The following CTNNA2 variants were observed in gnomAD, a reference collection of about 807,000 sequenced individuals.
CTNNA2 encodes the protein catenin alpha 2.
CTNNA2 carries 42 observed loss-of-function variants against 101.0 expected under a neutral mutation model. That is an observed-to-expected ratio of 0.42 (90% confidence interval 0.32 to 0.54). The LOEUF (loss-of-function observed/expected upper bound fraction) is 0.54, where lower values mean the gene tolerates loss of function less well. Among genes scored for constraint, CTNNA2 ranks in the 20% least tolerant of loss-of-function variants. The pLI is 0.14. For synonymous variants in CTNNA2, 450 were observed against 456.4 expected, an observed-to-expected ratio of 0.99 and a Z score of 0.18; for missense variants, 871 against 1,223.1, an observed-to-expected ratio of 0.71 and a Z score of 4.29.
chr2:79,650,320 A>T (rs1350263694), intron 1 of CTNNA2, among the ~76,000 whole-genome samples: 1 of 152,134 alleles, frequency 6.6e-6, no homozygotes, highest in African/African-American at 2.4e-5. Flanking sequence ...TGGGACAAGA[A>T]TGTAAATGTA....
chr2:79,301,973 A>G (rs1676121937), intron 2 of CTNNA2, among the ~76,000 whole-genome samples: 1 of 151,964 alleles, frequency 6.6e-6, no homozygotes, highest in Non-Finnish European at 1.5e-5. Flanking sequence ...GGCTCCTGTA[A>G]TCCCAGCTAC....
At chr2:80,261,191 T>C (rs1227007812) in intron 7 of CTNNA2, among the ~76,000 whole-genome samples, 4 of 152,352 alleles carry the variant, frequency 2.6e-5, no homozygotes, top group South Asian at 4.1e-4. Flanking sequence ...CATATACCTA[T>C]TGAGTTAGTA....
chr2:79,520,280 A>T (rs1012110385), intron 1 of CTNNA2, among the ~76,000 whole-genome samples: 1 of 152,170 alleles, frequency 6.6e-6, no homozygotes, highest in African/African-American at 2.4e-5. Context: ...GTCACTATAG[A>T]TTCTTTTTTC....
intron 7 of CTNNA2, among the ~76,000 whole-genome samples, chr2:80,382,665 CTG>C (rs1676627091): frequency 6.6e-6 from 1 of 152,220 alleles, no homozygotes; most frequent in African/African-American, 2.4e-5. Context: ...GAGGTCAAGA[CTG>C]TGGATCCCCA....
At chr2:79,202,536 A>G (rs1209259992) in intron 2 of CTNNA2, among the ~76,000 whole-genome samples, 1 of 152,084 alleles carries the variant, frequency 6.6e-6, no homozygotes, top group Non-Finnish European at 1.5e-5. Context: ...TGAATGCACC[A>G]TATCAGAAAC....
At chr2:79,609,274 A>C (rs1488050696) in intron 1 of CTNNA2, among the ~76,000 whole-genome samples, 1 of 152,008 alleles carries the variant, frequency 6.6e-6, no homozygotes, top group Non-Finnish European at 1.5e-5. Flanking sequence ...AGGCTGTCAG[A>C]TAACATATAC....
chr2:79,306,465 A>C (rs573355625), intron 2 of CTNNA2, among the ~76,000 whole-genome samples: 1 of 152,336 alleles, frequency 6.6e-6, no homozygotes, highest in South Asian at 2.1e-4. Context: ...AAATACACAT[A>C]ATTTTTGTTA....
At chr2:80,281,723 GTTAA>G (rs542045308) in intron 7 of CTNNA2, among the ~76,000 whole-genome samples, 153 of 152,034 alleles carry the variant, frequency 1.0e-3, no homozygotes, top group African/African-American at 3.4e-3. Flanking sequence ...CAGTTGTATA[GTTAA>G]TTATAGTTTA....
chr2:79,493,056 T>C (rs1671219985), intron 4 of CTNNA2, among the ~76,000 whole-genome samples: 1 of 150,892 alleles, frequency 6.6e-6, no homozygotes, highest in Non-Finnish European at 1.5e-5. Context: ...GGAAAAACTT[T>C]TTAAACTTCA....
At chr2:79,202,704 G>A (rs992540304) in intron 2 of CTNNA2, among the ~76,000 whole-genome samples, 3 of 151,480 alleles carry the variant, frequency 2.0e-5, no homozygotes, top group Non-Finnish European at 4.4e-5. Flanking sequence ...TACATTTTGG[G>A]GGTGGAAGGG....
Position 80,067,568 on chromosome 2 carries a change from T to C in CTNNA2, c.1056+157771T>C, listed in dbSNP as rs114852568. On this transcript the variant is annotated intron_variant, in intron 7 of 18. Coordinates refer to ENST00000402739, the MANE Select transcript of CTNNA2 (RefSeq NM_001282597.3). ...TTAAGGAAAATTATTTTTATCTGCT[T>C]ATTTCCAACACAATTCCTGATGGAT... Among the ~76,000 whole-genome samples, 702 of 152,336 alleles carry C rather than the reference T, an allele frequency of 4.6e-3. 5 individuals are homozygous for C. Among genetic ancestry groups the C allele is most frequent in the African/African-American group, 0.016 (676 of 41,582 alleles).
intron 2 of CTNNA2, among the ~76,000 whole-genome samples, chr2:79,306,045 C>CAA (rs60219150): frequency 1.5e-4 from 12 of 80,134 alleles, no homozygotes; most frequent in Admixed American, 2.9e-4. Flanking sequence ...GACACCATTT[C>CAA]AAAAAAAAAA....
chr2:80,497,746 G>A (rs551397318), intron 9 of CTNNA2, among the ~76,000 whole-genome samples: 1 of 152,328 alleles, frequency 6.6e-6, no homozygotes, highest in Admixed American at 6.5e-5. Flanking sequence ...ACTGGTATGT[G>A]TGGAGAAGGT....
rs1317637407 is a variant in CTNNA2 at position 80,205,393 on chromosome 2, C to A, written c.1057-187818C>A. On this transcript the variant is annotated intron_variant, in intron 7 of 18. Coordinates refer to ENST00000402739, the MANE Select transcript of CTNNA2 (RefSeq NM_001282597.3). ...GATATTTAGCTTTCTCAATAGCTCT[C>A]CCTGTTGTCCCTGCATGATAAAGAG... Among the ~76,000 whole-genome samples, 4 of 152,178 alleles carry A rather than the reference C, an allele frequency of 2.6e-5. 1 individual carries two copies. In the East Asian group the frequency reaches 7.7e-4, roughly 29 times the overall value.
intron 7 of CTNNA2, among the ~76,000 whole-genome samples, chr2:80,309,339 G>T (rs1451081907): frequency 1.3e-5 from 2 of 152,102 alleles, no homozygotes; most frequent in Non-Finnish European, 2.9e-5. Context: ...TGACTCCGAG[G>T]CCCCTGCCCT....
intron 1 of CTNNA2, among the ~76,000 whole-genome samples, chr2:79,193,780 T>A (rs370814146): frequency 6.6e-6 from 1 of 152,202 alleles, no homozygotes; most frequent in African/African-American, 2.4e-5. Context: ...AACATCTTTG[T>A]CTCCATTAAA....
intron 7 of CTNNA2, among the ~76,000 whole-genome samples, chr2:80,163,806 C>T (rs1419273092): frequency 1.3e-5 from 2 of 152,010 alleles, no homozygotes; most frequent in Non-Finnish European, 2.9e-5. Context: ...GTTTTTAATA[C>T]ATACATATTT....
At chr2:80,279,049 C>CGTGTGTGGGTGTGTGT (rs1674149949) in intron 7 of CTNNA2, among the ~76,000 whole-genome samples, 1 of 135,734 alleles carries the variant, frequency 7.4e-6, no homozygotes, top group Non-Finnish European at 1.6e-5. Context: ...ATGACTTTTA[C>CGTGTGTGGGTGTGTGT]GTGTGTGTGT....
At chr2:80,591,921 G>C (rs1159436946) in intron 15 of CTNNA2, among the ~76,000 whole-genome samples, 3 of 152,076 alleles carry the variant, frequency 2.0e-5, no homozygotes, top group African/African-American at 7.2e-5. Flanking sequence ...CTCAGTTCTT[G>C]ACTTCCATCT....
Sources: gnomAD v4.1 joint callset for allele counts (sites outside exome capture counted in the v4.1 genomes callset) on GRCh38, gnomAD v4.1.1 for gene constraint, MANE v1.5 for transcripts, NCBI Gene and HGNC (gene_info 2026-07-23, HGNC 2026-07-21) for gene names.